DNAH3: variants seen among roughly 807,000 people sequenced by gnomAD.
DNAH3 encodes the protein dynein axonemal heavy chain 3.
Under a neutral mutation model 432.5 loss-of-function variants are expected in DNAH3, and 332 were observed. That is an observed-to-expected ratio of 0.77 (90% CI 0.70 to 0.84). The LOEUF is 0.84. Ranked by LOEUF, DNAH3 falls within the 40% of genes least tolerant of loss-of-function variation. The pLI is 0.00. For missense variants in DNAH3, 4,861 were observed against 5,114.0 expected (o/e 0.95, Z 1.51); for synonymous variants, 1,956 against 1,900.2 (o/e 1.03, Z -0.76).
exon 45 of DNAH3, chr16:20,987,946 A>C: frequency 6.2e-7 from 1 of 1,614,204 alleles, no homozygotes; most frequent in South Asian, 1.1e-5. Flanking sequence ...TCTTACCTTA[A>C]AAACATCACA....
At chr16:20,942,019 C>G (rs2083831111) in intron 58 of DNAH3, among the ~76,000 whole-genome samples, 1 of 150,990 alleles carries the variant, frequency 6.6e-6, no homozygotes, top group Non-Finnish European at 1.5e-5. Context: ...GAGCTGAGAT[C>G]TGGCCGCTGC....
intron 47 of DNAH3, among the ~76,000 whole-genome samples, chr16:20,986,428 G>A (rs545702189): frequency 5.9e-5 from 9 of 152,060 alleles, no homozygotes; most frequent in Non-Finnish European, 8.8e-5. Flanking sequence ...GACTGCTTGA[G>A]CCCAGGAGCT....
chr16:20,964,272 T>C, exon 53 of DNAH3: 2 of 1,614,138 alleles, frequency 1.2e-6, no homozygotes, highest in South Asian at 1.1e-5. Context: ...TGCCAAGGAG[T>C]TGATCTTGGA....
At chr16:21,001,863 G>A (rs1199382358) in intron 42 of DNAH3, among the ~76,000 whole-genome samples, 1 of 152,104 alleles carries the variant, frequency 6.6e-6, no homozygotes, top group Non-Finnish European at 1.5e-5. Flanking sequence ...TTTATTTTCA[G>A]GAACTAGGAC....
chr16:20,933,331 C>T (rs1400811136), exon 62 of DNAH3: 1 of 1,614,054 alleles, frequency 6.2e-7, no homozygotes, highest in Non-Finnish European at 8.5e-7. Flanking sequence ...GATGCAGAAA[C>T]ATTGCGCTCT....
In DNAH3 at chr16:21,127,894, T is replaced by G; in HGVS notation, c.1083-82A>C. 4 of 1,518,260 alleles carry G rather than the reference T, an allele frequency of 2.6e-6. No individual in the cohort carries two copies. In the South Asian group the frequency reaches 4.6e-5, roughly 18 times the overall value. 94.0% of individuals were successfully genotyped at this position (1,518,260 alleles called of 1,614,324 possible). A position where few individuals can be genotyped will look rare whatever the true frequency, so the allele number is the denominator to read the frequency against. ...GCAGGACAGGTTCCAAGGGTGTGTG[T>G]TCACGTTTCTCAATGAAAGTTAAGC... On this transcript the variant is annotated intron_variant, in intron 7 of 61. Coordinates refer to ENST00000261383, the Ensembl canonical transcript of DNAH3.
At chr16:21,102,189 C>T (rs1246738731) in intron 16 of DNAH3, among the ~76,000 whole-genome samples, 2 of 152,172 alleles carry the variant, frequency 1.3e-5, no homozygotes, top group Admixed American at 6.5e-5. Context: ...CCTCTGCTGG[C>T]CCCTGCTGTT....
chr16:21,141,149 A>T (rs554772669), intron 4 of DNAH3, 151 bp downstream of exon 5: 326 of 557,468 alleles, frequency 5.8e-4, no homozygotes, highest in Middle Eastern at 1.3e-3. Flanking sequence ...AAAAAAAAAA[A>T]TTTTTTTTTT....
intron 35 of DNAH3, among the ~76,000 whole-genome samples, chr16:21,036,276 A>G (rs941887593): frequency 2.6e-5 from 4 of 152,224 alleles, no homozygotes; most frequent in Non-Finnish European, 2.9e-5. Flanking sequence ...CAGTGAGCCA[A>G]GATTGCACCA....
intron 5 of DNAH3, among the ~76,000 whole-genome samples, chr16:21,139,297 T>G (rs2092686285): frequency 7.1e-6 from 1 of 140,940 alleles, no homozygotes. Flanking sequence ...AGTTGGAAAA[T>G]GTAGCTTGAG....
Position 20,952,364 on chromosome 16 carries a change from G to T in DNAH3, c.11188+69C>A, listed in dbSNP as rs2084354814. On this transcript the variant is annotated intron_variant, in intron 56 of 61. Transcript: ENST00000261383. ...GGAGTACATAAGTGAATGGAAATGG[G>T]AGGAGAACAGCAGGAGGGTGGAACA... 2.0e-5 allele frequency: 19 copies of T among 944,118 alleles called. No homozygotes were observed. In the South Asian group the frequency reaches 2.2e-4, roughly 11 times the overall value. The allele number at this position is 944,118 out of a possible 1,614,324, so 58.5% of individuals were successfully genotyped here. A position where few individuals can be genotyped will look rare whatever the true frequency, so the allele number is the denominator to read the frequency against.
chr16:21,121,102 T>C (rs960845514), intron 10 of DNAH3: 3 of 605,096 alleles, frequency 5.0e-6, no homozygotes, highest in East Asian at 3.6e-5. Flanking sequence ...ACATAATGCA[T>C]GGAGAGAGTG....
intron 27 of DNAH3, among the ~76,000 whole-genome samples, chr16:21,057,670 G>A (rs1309888104): frequency 6.6e-6 from 1 of 152,184 alleles, no homozygotes; most frequent in Non-Finnish European, 1.5e-5. Context: ...AGAGAAAGCT[G>A]AAGGCAGGAC....
At chr16:21,087,154 C>T (rs1276955283) in intron 18 of DNAH3, 94 bp from the exon 19 acceptor site, 14 of 1,062,184 alleles carry the variant, frequency 1.3e-5, no homozygotes, top group Non-Finnish European at 1.9e-5. Context: ...TGCCTCCTGT[C>T]GTTTGGAGAT....
chr16:21,119,400 G>A (rs961418658), intron 11 of DNAH3, among the ~76,000 whole-genome samples: 1 of 152,052 alleles, frequency 6.6e-6, no homozygotes, highest in Non-Finnish European at 1.5e-5. Flanking sequence ...GGGAGGCAGA[G>A]GCAGGCAGAT....
intron 53 of DNAH3, among the ~76,000 whole-genome samples, chr16:20,959,969 ATTTAT>A (rs908468776): frequency 6.6e-6 from 1 of 152,134 alleles, no homozygotes; most frequent in Non-Finnish European, 1.5e-5. Flanking sequence ...ATTTTTGCCA[ATTTAT>A]TTTAACAAGA....
intron 27 of DNAH3, among the ~76,000 whole-genome samples, chr16:21,055,202 T>C (rs1338960492): frequency 6.6e-6 from 1 of 152,128 alleles, no homozygotes; most frequent in African/African-American, 2.4e-5. Flanking sequence ...ACTACAGGTG[T>C]GCACCACCAC....
At chr16:21,147,023 G>A (rs1252683122) in intron 1 of DNAH3, among the ~76,000 whole-genome samples, 3 of 151,874 alleles carry the variant, frequency 2.0e-5, no homozygotes, top group Non-Finnish European at 4.4e-5. Flanking sequence ...GCCTCCCAAA[G>A]TTCTGGGATT....
intron 7 of DNAH3, among the ~76,000 whole-genome samples, chr16:21,130,380 C>T (rs1390417901): frequency 6.6e-6 from 1 of 150,902 alleles, no homozygotes; most frequent in African/African-American, 2.4e-5. Flanking sequence ...TCTTGGCTCA[C>T]TGCAGCCTCA....
Sources: allele counts gnomAD v4.1 joint callset (sites outside exome capture counted in the v4.1 genomes callset), GRCh38; gene constraint gnomAD v4.1.1; transcripts MANE v1.5; gene names NCBI Gene and HGNC (gene_info 2026-07-23, HGNC 2026-07-21).